Variants in NKAIN2 observed in about 807,000 individuals in gnomAD.
The protein encoded by NKAIN2 is sodium/potassium-transporting ATPase subunit beta-1-interacting protein 2.
NKAIN2 carries 14 observed loss-of-function variants against 32.6 expected under a neutral mutation model. The ratio of observed to expected loss-of-function variants is 0.43; its 90% CI spans 0.28 to 0.67. The LOEUF is 0.67. Ranked by LOEUF, NKAIN2 falls within the 30% of genes least tolerant of loss-of-function variation. The probability of loss-of-function intolerance (pLI) is 0.17; values close to 1 mark genes in which losing one functional copy is unlikely to be tolerated. For missense variants in NKAIN2, 198 were observed against 258.3 expected (o/e 0.77, Z 1.60); for synonymous variants, 80 against 87.2 (o/e 0.92, Z 0.46).
intron 1 of NKAIN2, among the ~76,000 whole-genome samples, chr6:124,161,665 T>A (rs576525257): frequency 1.3e-5 from 2 of 152,218 alleles, no homozygotes; most frequent in African/African-American, 4.8e-5. Flanking sequence ...GCAGAAACTT[T>A]CAAAACATGA....
intron 1 of NKAIN2, among the ~76,000 whole-genome samples, chr6:124,140,314 T>G (rs1169310169): frequency 6.6e-6 from 1 of 152,248 alleles, no homozygotes; most frequent in Non-Finnish European, 1.5e-5. Flanking sequence ...TGTGAATGAC[T>G]GAAAAGCATA....
intron 1 of NKAIN2, among the ~76,000 whole-genome samples, chr6:123,871,686 A>G (rs1772894535): frequency 6.6e-6 from 1 of 152,210 alleles, no homozygotes; most frequent in Non-Finnish European, 1.5e-5. Flanking sequence ...GACTTCTCGT[A>G]TGGAAGTGAT....
intron 3 of NKAIN2, among the ~76,000 whole-genome samples, chr6:124,453,322 AACACACACAC>A (rs766482280): frequency 1.0e-3 from 65 of 63,930 alleles, no homozygotes; most frequent in East Asian, 3.5e-3. Context: ...CATGCATATA[AACACACACAC>A]ACACACACAC....
intron 3 of NKAIN2, among the ~76,000 whole-genome samples, chr6:124,595,388 C>A (rs1458459683): frequency 6.6e-6 from 1 of 152,156 alleles, no homozygotes; most frequent in Non-Finnish European, 1.5e-5. Context: ...CCTGCCTGCT[C>A]GGTCCTTGGG....
At chr6:124,160,597 A>C (rs1788223356) in intron 1 of NKAIN2, among the ~76,000 whole-genome samples, 1 of 152,178 alleles carries the variant, frequency 6.6e-6, no homozygotes, top group South Asian at 2.1e-4. Context: ...TTAATTAAGT[A>C]AAACACTAAT....
intron 1 of NKAIN2, among the ~76,000 whole-genome samples, chr6:124,058,084 G>C (rs1294486922): frequency 6.6e-6 from 1 of 151,996 alleles, no homozygotes; most frequent in African/African-American, 2.4e-5. Flanking sequence ...AGAGAAAACA[G>C]GTTTCCTTAG....
At chr6:124,489,349 G>A (rs1234518491) in intron 3 of NKAIN2, among the ~76,000 whole-genome samples, 2 of 151,872 alleles carry the variant, frequency 1.3e-5, no homozygotes, top group Non-Finnish European at 2.9e-5. Flanking sequence ...AACCTCAAAT[G>A]TTTATCACCT....
intron 1 of NKAIN2, among the ~76,000 whole-genome samples, chr6:123,920,462 A>C (rs170980): frequency 6.6e-6 from 1 of 151,702 alleles, no homozygotes; most frequent in African/African-American, 2.4e-5. Flanking sequence ...TCAGAAGCAC[A>C]AAAACCTAGG....
intron 1 of NKAIN2, among the ~76,000 whole-genome samples, chr6:124,169,795 T>G (rs1377862096): frequency 2.0e-5 from 3 of 152,156 alleles, no homozygotes; most frequent in African/African-American, 7.2e-5. Context: ...TGGTTTTACA[T>G]TCTGCATCCT....
At chr6:124,028,099 T>C (rs896145662) in intron 1 of NKAIN2, among the ~76,000 whole-genome samples, 6 of 152,160 alleles carry the variant, frequency 3.9e-5, no homozygotes, top group African/African-American at 1.4e-4. Flanking sequence ...TTAGTGTTAC[T>C]TAGGATGCCA....
intron 3 of NKAIN2, among the ~76,000 whole-genome samples, chr6:124,583,683 A>C (rs866128134): frequency 3.9e-4 from 60 of 152,164 alleles, no homozygotes; most frequent in African/African-American, 1.2e-3. Flanking sequence ...AGAACAGCCA[A>C]AGCTATCCTG....
chr6:124,046,148 A>G (rs1469283125), intron 1 of NKAIN2, among the ~76,000 whole-genome samples: 1 of 151,954 alleles, frequency 6.6e-6, no homozygotes, highest in African/African-American at 2.4e-5. Context: ...TTGTGGGTTT[A>G]TATCTGTTGG....
At chr6:124,398,152 C>T (rs1424201039) in intron 3 of NKAIN2, among the ~76,000 whole-genome samples, 2 of 146,378 alleles carry the variant, frequency 1.4e-5, no homozygotes, top group African/African-American at 5.1e-5. Flanking sequence ...ACTCGGGAGG[C>T]TGAGGCAGGA....
chr6:124,399,081 C>T lies in NKAIN2; in HGVS notation c.273+43734C>T, dbSNP rs370265926. ...AGCTGGGATTACAGGCACGCACCCCCACACCTGACTAATTTTTGTATTTTT... is the reference window on the plus strand; with the variant it reads ...AGCTGGGATTACAGGCACGCACCCCTACACCTGACTAATTTTTGTATTTTT... On this transcript the variant is annotated intron_variant, in intron 3 of 6. Coordinates refer to ENST00000368417, the MANE Select transcript of NKAIN2 (RefSeq NM_001040214.3). Among the ~76,000 whole-genome samples the T allele has an allele frequency of 4.5e-4, 69 of 152,180 alleles. No individual in the cohort carries two copies. In the East Asian group the frequency reaches 0.012, roughly 26 times the overall value.
rs1214518613 is a variant in NKAIN2 at position 124,473,043 on chromosome 6, A to G, written c.273+117696A>G. On this transcript the variant is annotated intron_variant, in intron 3 of 6. Coordinates refer to ENST00000368417, the MANE Select transcript of NKAIN2 (RefSeq NM_001040214.3). ...AACCAGACAGGTTCTGCAGAAGGAT[A>G]GAAGCTTTCTGTTAGAGAACCCACA... 5.3e-5 allele frequency among the ~76,000 whole-genome samples: 8 copies of G among 152,198 alleles called. 1 individual carries two copies. Among genetic ancestry groups the G allele is most frequent in the South Asian group, 2.1e-4 (1 of 4,832 alleles).
At chr6:124,517,592 C>T (rs182510820) in intron 3 of NKAIN2, among the ~76,000 whole-genome samples, 207 of 152,232 alleles carry the variant, frequency 1.4e-3, no homozygotes, top group Non-Finnish European at 2.4e-3. Flanking sequence ...CTCTGCTCCT[C>T]CTCCTTCTTT....
At chr6:123,852,332 A>G (rs374581404) in intron 1 of NKAIN2, among the ~76,000 whole-genome samples, 1 of 152,140 alleles carries the variant, frequency 6.6e-6, no homozygotes, top group African/African-American at 2.4e-5. Flanking sequence ...GCAAATTTCA[A>G]GTACACAGTA....
intron 3 of NKAIN2, among the ~76,000 whole-genome samples, chr6:124,434,025 C>G (rs1348505942): frequency 1.3e-5 from 2 of 152,134 alleles, no homozygotes. Context: ...TTACATCTGT[C>G]ATTATCCATC....
At chr6:124,437,454 T>C (rs1488090920) in intron 3 of NKAIN2, among the ~76,000 whole-genome samples, 3 of 152,236 alleles carry the variant, frequency 2.0e-5, no homozygotes, top group Admixed American at 6.5e-5. Context: ...CATTATTTCA[T>C]TTTATTCTTT....
Sources: allele counts gnomAD v4.1 joint callset (sites outside exome capture counted in the v4.1 genomes callset), GRCh38; gene constraint gnomAD v4.1.1; transcripts MANE v1.5; gene names NCBI Gene and HGNC (gene_info 2026-07-23, HGNC 2026-07-21).